RYR1: variants seen among roughly 807,000 people sequenced by gnomAD.
RYR1 encodes the protein ryanodine receptor 1.
RYR1 carries 342 observed loss-of-function variants against 583.5 expected under a neutral mutation model. The ratio of observed to expected loss-of-function variants is 0.59; its 90% CI spans 0.54 to 0.64. The LOEUF is 0.64. Ranked by LOEUF, RYR1 falls within the 30% of genes least tolerant of loss-of-function variation. The pLI is 0.00. For synonymous variants in RYR1, 2,791 were observed against 2,822.5 expected (o/e 0.99, Z 0.35); for missense variants, 6,032 against 6,917.2 (o/e 0.87, Z 4.54).
At chr19:38,529,158 G>C (rs1208506366) in intron 76 of RYR1, 101 bp downstream of exon 76, 1 of 1,182,522 alleles carries the variant, frequency 8.5e-7, no homozygotes, top group Non-Finnish European at 1.3e-6. Flanking sequence ...TCCAGGTCCT[G>C]GGGGAGCCCA....
At chr19:38,458,356 G>A in intron 18 of RYR1, 64 bp downstream of exon 18, 1 of 1,536,208 alleles carries the variant, frequency 6.5e-7, no homozygotes, top group Non-Finnish European at 9.0e-7. Context: ...CTAAGTCTCT[G>A]ACCATACACC....
chr19:38,565,660 T>C lies in RYR1; in HGVS notation c.13326T>C (p.Asp4442=). 7.2e-7 allele frequency: 1 copy of C among 1,385,452 alleles called. No homozygotes were observed. Among genetic ancestry groups the C allele is most frequent in the Non-Finnish European group, 9.3e-7 (1 of 1,080,442 alleles). 85.8% of individuals were successfully genotyped at this position (1,385,452 alleles called of 1,614,324 possible). ...CCGACGGGGCGGTGGCCGTGACCGA[T>C]GGGGGCCCCTTCCGGCCCGAAGGGG... The part of the protein sequence containing the change: ...GGADGAVAVT[D]GGPFRPEGAG... The change falls in exon 91 of 106, where the codon GAT becomes GAC. Residue 4442 remains aspartate (D), a synonymous_variant. Coordinates refer to ENST00000359596, the MANE Select transcript of RYR1 (RefSeq NM_000540.3). This position sits in a 1 kb window ranked among gnomAD's most constrained non-coding sequence, Gnocchi z 4.7.
chr19:38,481,546 A>G (rs1969011364), intron 31 of RYR1, among the ~76,000 whole-genome samples: 1 of 151,806 alleles, frequency 6.6e-6, no homozygotes, highest in Non-Finnish European at 1.5e-5. Flanking sequence ...CCAGAAATGT[A>G]TTTGTTGAAG....
rs1600794989 is a variant in RYR1, at chr19:38,492,633, C to A, written c.6271C>A (p.Pro2091Thr). Residue 2091 changes from proline to threonine, a missense_variant, in exon 38 of 106, where the codon CCC becomes ACC. Around this residue, in one of 11 missense-constraint regions of RYR1, gnomAD observed 2,627 missense variants for 2,961.3 expected, o/e 0.89. Coordinates refer to ENST00000359596, the MANE Select transcript of RYR1 (RefSeq NM_000540.3). ...GGAGCGGTCAGCAGAGGAGAGCAAA[C>A]CCCGTGAGGACTGGGGTCACTGGGG... The part of the protein sequence containing the change: ...EEERSAEESK[P>T]RSLQELVSHM... The A allele has an allele frequency of 5.6e-6, 9 of 1,609,880 alleles. No homozygotes were observed. Among genetic ancestry groups the A allele is most frequent in the Non-Finnish European group, 7.6e-6 (9 of 1,178,152 alleles).
At chr19:38,464,776 T>C (rs1043359075) in intron 23 of RYR1, 54 bp downstream of exon 23, 2 of 1,497,206 alleles carry the variant, frequency 1.3e-6, no homozygotes, top group Non-Finnish European at 1.8e-6. Flanking sequence ...CTGGGGATGC[T>C]GTGCTAAGGG....
Position 38,466,337 on chromosome 19 carries a change from C to T in RYR1, c.3117C>T (p.Cys1039=). The stretch of plus-strand genomic sequence containing the variant: ...AGCGCAGCAACCGGGACAGCCTCTG[C>T]CAGGCCGTGCGCACCCTCCTGGGCT... ...ATKRSNRDSL[C]QAVRTLLGYG... is the part of the protein sequence containing the mutation. The change falls in exon 24 of 106, where the codon TGC becomes TGT. Residue 1039 remains cysteine, a synonymous_variant. Coordinates refer to ENST00000359596, the MANE Select transcript of RYR1 (RefSeq NM_000540.3). The T allele has an allele frequency of 1.9e-6, 3 of 1,597,998 alleles. No individual in the cohort carries two copies. The highest frequency in any genetic ancestry group is 2.2e-5 in the South Asian group (2 of 88,896).
chr19:38,490,414 C>G lies in RYR1; in HGVS notation c.6015+138C>G, dbSNP rs1019418819. ...CCTAGTGATACATTTATCTCCTACT[C>G]TCTGAATCAACCTGACCTCTGAGTC... On this transcript the variant is annotated intron_variant, in intron 36 of 105. Transcript: ENST00000359596. The G allele has an allele frequency of 4.3e-6, 4 of 940,526 alleles. No individual in the cohort carries two copies. The African/African-American group carries it at 6.5e-5, about 15-fold the overall frequency. The allele number at this position is 940,526 out of a possible 1,614,324, so 58.3% of individuals were successfully genotyped here.
At chr19:38,554,830 C>T (rs1972813571) in intron 89 of RYR1, among the ~76,000 whole-genome samples, 1 of 152,052 alleles carries the variant, frequency 6.6e-6, no homozygotes, top group South Asian at 2.1e-4. Context: ...TTGAGGTTAT[C>T]TTCATTGTTT....
At position 38,485,912 on chromosome 19, in the gene RYR1, A is replaced by G. The variant is rs1442774410; in HGVS notation, c.5257A>G (p.Thr1753Ala). 6.2e-7 allele frequency: 1 copy of G among 1,613,636 alleles called. No homozygotes were observed. Among genetic ancestry groups the G allele is most frequent in the Non-Finnish European group, 8.5e-7 (1 of 1,179,982 alleles). The change falls in exon 34 of 106, where the codon ACA (threonine) becomes GCA (alanine). Residue 1753 changes from threonine (T) to alanine (A), a missense_variant. Around this residue, in one of 11 missense-constraint regions of RYR1, gnomAD observed 2,627 missense variants for 2,961.3 expected, o/e 0.89. Transcript: ENST00000359596. ...AITLFPPGRS[T>A]ENGHPRHGLP... ...CACGCTCTTCCCTCCTGGAAGGAGCACAGAAAATGGTCACCCCCGGCATGG... is the reference window on the plus strand; with the variant it reads ...CACGCTCTTCCCTCCTGGAAGGAGCGCAGAAAATGGTCACCCCCGGCATGG...
At chr19:38,464,591 G>T in intron 22 of RYR1, 48 bp from the exon 23 acceptor site, 2 of 1,502,750 alleles carry the variant, frequency 1.3e-6, no homozygotes, top group South Asian at 1.2e-5. Context: ...AGACGGGGCA[G>T]GGAGCTCTGA....
intron 89 of RYR1, among the ~76,000 whole-genome samples, chr19:38,556,203 A>G (rs1972872073): frequency 6.6e-6 from 1 of 151,464 alleles, no homozygotes; most frequent in African/African-American, 2.4e-5. Flanking sequence ...TAAAAAGAGG[A>G]CCGGCATGGT....
At position 38,586,202 on chromosome 19, in the gene RYR1, A is replaced by G; in HGVS notation, c.14969+11A>G. On this transcript the variant is annotated intron_variant, in intron 104 of 105. Coordinates refer to ENST00000359596, the MANE Select transcript of RYR1 (RefSeq NM_000540.3). ...CCTGGCCAATTACATGTGAGCAGACACACTGGCCAGTCAGGAGGGTGGGGG... is the reference window on the plus strand; with the variant it reads ...CCTGGCCAATTACATGTGAGCAGACGCACTGGCCAGTCAGGAGGGTGGGGG... 3.1e-6 allele frequency: 5 copies of G among 1,611,770 alleles called. No homozygotes were observed. Among genetic ancestry groups the G allele is most frequent in the Non-Finnish European group, 4.2e-6 (5 of 1,178,728 alleles).
chr19:38,444,710 TC>T lies in RYR1; in HGVS notation c.631+39del, dbSNP rs35018208. 1.9e-5 allele frequency: 28 copies of T among 1,475,014 alleles called. No homozygotes were observed. The South Asian group carries it at 2.1e-4, about 11-fold the overall frequency. The allele number at this position is 1,475,014 out of a possible 1,614,324, so 91.4% of individuals were successfully genotyped here. A position where few individuals can be genotyped will look rare whatever the true frequency, so the allele number is the denominator to read the frequency against. ...CCCCAGACCTCCCCCTAAATGGAGA[TC>T]CCCCCAAAACAGACCCTTAATGTTG... On this transcript the variant is annotated intron_variant, in intron 7 of 105. Transcript: ENST00000359596. This position sits in a 1 kb window ranked among gnomAD's most constrained non-coding sequence, Gnocchi z 5.1.
At chr19:38,534,872 C>T (rs1971898096) in intron 79 of RYR1, 53 bp downstream of exon 79, 2 of 1,546,646 alleles carry the variant, frequency 1.3e-6, no homozygotes, top group South Asian at 2.4e-5. Context: ...CCTAACCTCA[C>T]TCCTCCTGGC....
chr19:38,486,531 A>G (rs1969307192), intron 34 of RYR1, among the ~76,000 whole-genome samples: 1 of 152,018 alleles, frequency 6.6e-6, no homozygotes, highest in Non-Finnish European at 1.5e-5. Flanking sequence ...TTCAGTAGAG[A>G]CTGCTTTCAC....
chr19:38,583,768 C>T (rs189249129), intron 101 of RYR1, among the ~76,000 whole-genome samples: 1 of 152,068 alleles, frequency 6.6e-6, no homozygotes, highest in Admixed American at 6.6e-5. Flanking sequence ...TCCCCTACCC[C>T]AGGCCTGACA....
chr19:38,546,387 C>A, intron 87 of RYR1, 58 bp from the exon 88 acceptor site: 2 of 1,473,298 alleles, frequency 1.4e-6, no homozygotes, highest in Non-Finnish European at 1.9e-6. Context: ...GGGGGAGAAG[C>A]AACAGAGGTG....
Position 38,587,444 on chromosome 19 carries a change from C to G in RYR1, c.*24C>G, listed in dbSNP as rs769712414. On this transcript the variant is annotated 3_prime_UTR_variant, in exon 106 of 106. Transcript: ENST00000359596. ...GACACACCCCCAGCTGGCCCTCCAC[C>G]CCCACCTCAAGTGCCTTATTCTCAC... The G allele has an allele frequency of 5.0e-5, 78 of 1,572,798 alleles. 1 individual carries two copies. The highest frequency in any genetic ancestry group is 2.7e-4 in the South Asian group (24 of 90,076).
intron 58 of RYR1, among the ~76,000 whole-genome samples, chr19:38,509,193 C>G (rs967562919): frequency 6.6e-6 from 1 of 152,148 alleles, no homozygotes; most frequent in Non-Finnish European, 1.5e-5. Flanking sequence ...TGACAATTCC[C>G]TTCCCTCTCT....
Sources: allele counts gnomAD v4.1 joint callset (sites outside exome capture counted in the v4.1 genomes callset), GRCh38; gene constraint gnomAD v4.1.1; regional missense constraint gnomAD v4.1.1; non-coding constraint Gnocchi (gnomAD v3.1); transcripts MANE v1.5; gene names NCBI Gene and HGNC (gene_info 2026-07-23, HGNC 2026-07-21).